The following PHTF2 variants were observed in gnomAD, a reference collection of about 807,000 sequenced individuals.
PHTF2 encodes the protein protein PHTF2.
PHTF2 carries 60 observed loss-of-function variants against 101.2 expected under a neutral mutation model. The ratio of observed to expected loss-of-function variants is 0.59; its 90% CI spans 0.48 to 0.73. The LOEUF (loss-of-function observed/expected upper bound fraction) is 0.73, where lower values mean the gene tolerates loss of function less well. Among genes scored for constraint, PHTF2 ranks in the 30% least tolerant of loss-of-function variants. PHTF2 has a pLI of 0.00. For synonymous variants in PHTF2, 311 were observed against 307.3 expected, an observed-to-expected ratio of 1.01 and a Z score of -0.13; for missense variants, 747 against 908.7, an observed-to-expected ratio of 0.82 and a Z score of 2.29.
intron 9 of PHTF2, among the ~76,000 whole-genome samples, chr7:77,911,915 G>A (rs1383957139): frequency 6.6e-6 from 1 of 152,050 alleles, no homozygotes; most frequent in African/African-American, 2.4e-5. Context: ...TTCTAACTTT[G>A]GCATGCAACA....
chr7:77,937,735 C>T, exon 13 of PHTF2: 2 of 1,427,512 alleles, frequency 1.4e-6, no homozygotes, highest in Non-Finnish European at 1.9e-6. Context: ...CTCCATAGTT[C>T]CCACCCAGGA....
rs991772613 is a variant in PHTF2, at chr7:77,870,403, G to A, written c.147+15569G>A. ...GCTGAGGAGCAAGGAGAGCCAATCC[G>A]AGTTCCAAAACTGAAGAACTTGGAA... is the stretch of plus-strand genomic sequence containing the variant. On this transcript the variant is annotated intron_variant, in intron 3 of 19. Coordinates refer to ENST00000416283, the Ensembl canonical transcript of PHTF2. Among the ~76,000 whole-genome samples, 5 of 152,126 alleles carry A rather than the reference G, an allele frequency of 3.3e-5. No homozygotes were observed. In the East Asian group the frequency reaches 9.6e-4, roughly 29 times the overall value.
intron 3 of PHTF2, among the ~76,000 whole-genome samples, chr7:77,886,717 G>T (rs1445193497): frequency 6.6e-6 from 1 of 152,124 alleles, no homozygotes; most frequent in East Asian, 1.9e-4. Flanking sequence ...TATAAAAGTA[G>T]TACATCTCCA....
At chr7:77,920,737 G>A (rs966437657) in intron 10 of PHTF2, among the ~76,000 whole-genome samples, 1 of 152,044 alleles carries the variant, frequency 6.6e-6, no homozygotes, top group Admixed American at 6.6e-5. Flanking sequence ...GCTGGAGTGA[G>A]GTGGTGCGAT....
At chr7:77,869,032 A>C (rs1395202980) in intron 3 of PHTF2, among the ~76,000 whole-genome samples, 1 of 152,180 alleles carries the variant, frequency 6.6e-6, no homozygotes, top group African/African-American at 2.4e-5. Flanking sequence ...AACAAAAAAG[A>C]TCTTTGGAAT....
chr7:77,846,931 G>A (rs1281834635), intron 2 of PHTF2, among the ~76,000 whole-genome samples: 2 of 152,052 alleles, frequency 1.3e-5, no homozygotes, highest in Admixed American at 1.3e-4. Context: ...GCATGAGCCT[G>A]CAAGCCTGAA....
chr7:77,863,087 A>G (rs1003410715), intron 3 of PHTF2, among the ~76,000 whole-genome samples: 1 of 152,206 alleles, frequency 6.6e-6, no homozygotes, highest in Non-Finnish European at 1.5e-5. Flanking sequence ...TCCCATTTGA[A>G]CTTTTGCCCT....
chr7:77,936,226 G>T (rs1805113368), intron 12 of PHTF2, among the ~76,000 whole-genome samples: 1 of 151,996 alleles, frequency 6.6e-6, no homozygotes, highest in Non-Finnish European at 1.5e-5. Flanking sequence ...AAGTTTACAA[G>T]AAACATTTTT....
At chr7:77,832,844 A>G (rs867822280) in intron 1 of PHTF2, among the ~76,000 whole-genome samples, 8 of 152,118 alleles carry the variant, frequency 5.3e-5, no homozygotes, top group South Asian at 2.1e-4. Flanking sequence ...AAAGTATACA[A>G]TAAATGTAAT....
At chr7:77,802,209 G>A (rs894393954) in intron 1 of PHTF2, among the ~76,000 whole-genome samples, 3 of 152,158 alleles carry the variant, frequency 2.0e-5, no homozygotes, top group Non-Finnish European at 4.4e-5. Context: ...AAATGTATGT[G>A]TGAAGGCCAG....
Position 77,822,751 on chromosome 7 carries a change from T to C in PHTF2, c.-35-17470T>C, listed in dbSNP as rs185409134. Among the ~76,000 whole-genome samples, 7 of 152,288 alleles carry C rather than the reference T, an allele frequency of 4.6e-5. No individual in the cohort carries two copies. The East Asian group carries it at 5.8e-4, about 13-fold the overall frequency. ...TCTCATCACGTGCATCTCCAGTTTC[T>C]CGCTGCACCCTAGTACTCTCCCATT... On this transcript the variant is annotated intron_variant, in intron 1 of 19. Transcript: ENST00000416283.
At chr7:77,918,974 G>T (rs1184013156) in intron 9 of PHTF2, among the ~76,000 whole-genome samples, 1 of 152,194 alleles carries the variant, frequency 6.6e-6, no homozygotes, top group Non-Finnish European at 1.5e-5. Flanking sequence ...AAGGAAAGGG[G>T]CCTGTTTGCA....
intron 3 of PHTF2, among the ~76,000 whole-genome samples, chr7:77,863,552 A>T (rs921409525): frequency 6.6e-6 from 1 of 152,046 alleles, no homozygotes; most frequent in Non-Finnish European, 1.5e-5. Context: ...ACCTATAGAG[A>T]TTGATTTTTA....
At chr7:77,806,307 G>A (rs1270484530) in intron 1 of PHTF2, among the ~76,000 whole-genome samples, 12 of 152,050 alleles carry the variant, frequency 7.9e-5, no homozygotes, top group East Asian at 3.9e-4. Flanking sequence ...TTCTCCTTGC[G>A]ATTCTTTAAA....
intron 4 of PHTF2, 46 bp downstream of exon 3, chr7:77,893,710 G>T (rs1278973802): frequency 3.8e-6 from 3 of 782,522 alleles, no homozygotes; most frequent in African/African-American, 3.5e-5. Context: ...ATAGTTCTAT[G>T]AATTATTAAT....
intron 9 of PHTF2, among the ~76,000 whole-genome samples, chr7:77,913,275 C>T (rs147319807): frequency 1.3e-3 from 201 of 151,136 alleles, no homozygotes; most frequent in African/African-American, 4.2e-3. Flanking sequence ...ATAATCCCAG[C>T]TATTTGAGAG....
intron 12 of PHTF2, among the ~76,000 whole-genome samples, chr7:77,935,325 C>G (rs1396559089): frequency 6.6e-6 from 1 of 151,196 alleles, no homozygotes; most frequent in Non-Finnish European, 1.5e-5. Context: ...CGGGTTCACG[C>G]CATTCTCTTG....
At chr7:77,823,107 T>G (rs968179589) in intron 1 of PHTF2, among the ~76,000 whole-genome samples, 2 of 151,802 alleles carry the variant, frequency 1.3e-5, no homozygotes, top group African/African-American at 4.8e-5. Flanking sequence ...GGTTTCACCG[T>G]GTTAGCCAGG....
In PHTF2 at chr7:77,928,503, G is replaced by A. The variant is rs148677609; in HGVS notation, c.1120-606G>A. On this transcript the variant is annotated intron_variant, in intron 11 of 19. Transcript: ENST00000416283. ...CTCTTGCTTAAAAAAAAAAAGACTA[G>A]AATAAGAAAATACAGTCATTCCTGG... Among the ~76,000 whole-genome samples the A allele has an allele frequency of 3.2e-3, 480 of 151,320 alleles. 4 individuals are homozygous for A. The highest frequency in any genetic ancestry group is 0.01 in the African/African-American group (418 of 41,212).
Sources: gnomAD v4.1 joint callset for allele counts (sites outside exome capture counted in the v4.1 genomes callset) on GRCh38, gnomAD v4.1.1 for gene constraint, MANE v1.5 for transcripts, NCBI Gene and HGNC (gene_info 2026-07-23, HGNC 2026-07-21) for gene names.